TTC6: variants seen among roughly 807,000 people sequenced by gnomAD.
TTC6 encodes the protein tetratricopeptide repeat domain 6.
TTC6 carries 172 observed loss-of-function variants against 210.4 expected under a neutral mutation model. That is an observed-to-expected ratio of 0.82 (90% CI 0.72 to 0.93). The LOEUF is 0.93. TTC6 is among the 40% of genes least tolerant of loss of function. The pLI is 0.00. For missense variants in TTC6, 2,414 were observed against 2,318.1 expected (o/e 1.04, Z -0.85); for synonymous variants, 804 against 819.6 (o/e 0.98, Z 0.32).
chr14:37,757,411 C>A (rs1227313672), intron 14 of TTC6, among the ~76,000 whole-genome samples: 1 of 151,964 alleles, frequency 6.6e-6, no homozygotes, highest in African/African-American at 2.4e-5. Flanking sequence ...CAGGTGTCTG[C>A]CACCATGCCC....
intron 6 of TTC6, among the ~76,000 whole-genome samples, chr14:37,716,320 CAAAATCT>C: frequency 6.6e-6 from 1 of 152,024 alleles, no homozygotes; most frequent in East Asian, 1.9e-4. Flanking sequence ...AGACAGGAAA[CAAAATCT>C]AAAATGACAG....
Position 37,739,159 on chromosome 14 carries a change from T to A in TTC6, c.2363+4T>A. 1 of 1,486,872 alleles carries A rather than the reference T, an allele frequency of 6.7e-7. No homozygotes were observed. The highest frequency in any genetic ancestry group is 1.3e-5 in the South Asian group (1 of 75,212). The allele number at this position is 1,486,872 out of a possible 1,614,324, so 92.1% of individuals were successfully genotyped here. A position where few individuals can be genotyped will look rare whatever the true frequency, so the allele number is the denominator to read the frequency against. ...AGCCTCCAAAATCTCTTGAAAGGTC[T>A]TGTTTAAGTGATTTTCTTATAGTTT... On this transcript the variant is annotated splice_donor_region_variant and intron_variant, in intron 10 of 30. Transcript: ENST00000553443.
chr14:37,738,887 T>C (rs2095909571), exon 10 of TTC6: 3 of 1,535,190 alleles, frequency 2.0e-6, no homozygotes, highest in African/African-American at 1.4e-5. Context: ...AGCAAAGGAA[T>C]TGAAACGTCA....
At chr14:37,599,278 G>A (rs571058626) in intron 1 of TTC6, among the ~76,000 whole-genome samples, 17 of 152,220 alleles carry the variant, frequency 1.1e-4, no homozygotes, top group African/African-American at 4.1e-4. Flanking sequence ...CTCTCCCTTG[G>A]TTCCATCATT....
At position 37,680,911 on chromosome 14, in the gene TTC6, C is replaced by T. The variant is rs148977378; in HGVS notation, c.1050+650C>T. ...AATATGACCCCCACATACATAAAAT[C>T]GTGATCATATTTCATTTTTAGGTTA... On this transcript the variant is annotated intron_variant, in intron 2 of 30. Coordinates refer to ENST00000553443, the Ensembl canonical transcript of TTC6. 6.6e-3 allele frequency among the ~76,000 whole-genome samples: 1,001 copies of T among 152,160 alleles called. 10 individuals carry two copies. The highest frequency in any genetic ancestry group is 0.023 in the African/African-American group (947 of 41,520).
intron 17 of TTC6, among the ~76,000 whole-genome samples, chr14:37,793,247 G>T (rs895956244): frequency 3.9e-5 from 6 of 152,128 alleles, no homozygotes; most frequent in African/African-American, 1.2e-4. Flanking sequence ...AAAGCCAAAG[G>T]TCTGCAAGAC....
chr14:37,755,899 G>T (rs1595204708), intron 14 of TTC6, among the ~76,000 whole-genome samples: 1 of 152,154 alleles, frequency 6.6e-6, no homozygotes, highest in Admixed American at 6.5e-5. Context: ...GAAAGTCAGT[G>T]GTAGCTTGAT....
Position 37,823,746 on chromosome 14 carries a change from G to A in TTC6, c.4764-1G>A, listed in dbSNP as rs2096163561. ...GCATCAATATTTTTATTTATTTGCA[G>A]AATTAATGAGTTTGAAGAAGCTGTC... On this transcript the variant is annotated splice_acceptor_variant, in intron 26 of 30. Transcript: ENST00000553443. LOFTEE classifies it high-confidence loss of function. 3 of 1,612,652 alleles carry A rather than the reference G, an allele frequency of 1.9e-6. No individual in the cohort carries two copies. In the East Asian group the frequency reaches 6.7e-5, roughly 36 times the overall value.
At chr14:37,758,065 T>G (rs1055675578) in intron 14 of TTC6, among the ~76,000 whole-genome samples, 3 of 152,312 alleles carry the variant, frequency 2.0e-5, no homozygotes, top group Admixed American at 1.3e-4. Flanking sequence ...TGATTTCCAT[T>G]CTTTTGCATT....
chr14:37,823,185 C>T lies in TTC6; in HGVS notation c.4764-562C>T, dbSNP rs182279499. ...AGGATAGAGAGAGTTATCATTTAGC[C>T]AAATACATTCACAAGTTGATAAATA... On this transcript the variant is annotated intron_variant, in intron 26 of 30. Coordinates refer to ENST00000553443, the Ensembl canonical transcript of TTC6. 3.3e-5 allele frequency among the ~76,000 whole-genome samples: 5 copies of T among 152,182 alleles called. No individual in the cohort carries two copies. In the East Asian group the frequency reaches 9.7e-4, roughly 29 times the overall value.
At chr14:37,622,995 A>G (rs1396358934) in exon 1 of TTC6, 2 of 1,468,446 alleles carry the variant, frequency 1.4e-6, no homozygotes, top group South Asian at 1.3e-5. Context: ...CTACGACATT[A>G]CAATGGAAGT....
rs561048567 is a variant in TTC6 at position 37,725,895 on chromosome 14, C to T, written c.1818+893C>T. Among the ~76,000 whole-genome samples, 5 of 151,964 alleles carry T rather than the reference C, an allele frequency of 3.3e-5. No individual in the cohort carries two copies. In the South Asian group the frequency reaches 1.0e-3, roughly 32 times the overall value. ...AATACCCAAATGTGGTAATCTTTTT[C>T]CTTCCCTTAAAGAAGAATGATTACT... On this transcript the variant is annotated intron_variant, in intron 7 of 30. Transcript: ENST00000553443.
intron 1 of TTC6, among the ~76,000 whole-genome samples, chr14:37,669,456 C>T (rs886504192): frequency 6.6e-6 from 1 of 152,288 alleles, no homozygotes; most frequent in African/African-American, 2.4e-5. Context: ...TTAGTTTCTA[C>T]TTCTTTCTTA....
intron 10 of TTC6, among the ~76,000 whole-genome samples, chr14:37,744,064 G>C (rs1212459613): frequency 6.6e-6 from 1 of 152,200 alleles, no homozygotes; most frequent in African/African-American, 2.4e-5. Flanking sequence ...TGAAGGCAAA[G>C]TTTATCAGCT....
At chr14:37,610,418 G>GGA (rs1173213756) in intron 2 of TTC6, among the ~76,000 whole-genome samples, 1 of 152,150 alleles carries the variant, frequency 6.6e-6, no homozygotes, top group Non-Finnish European at 1.5e-5. Context: ...GCCTGAATTT[G>GGA]GAGAGAGAGG....
chr14:37,660,687 A>G (rs2095735579), intron 1 of TTC6, among the ~76,000 whole-genome samples: 1 of 152,144 alleles, frequency 6.6e-6, no homozygotes, highest in Non-Finnish European at 1.5e-5. Context: ...AATGATTTAT[A>G]TTGCTTTGGG....
rs140002394 is a variant in TTC6 at position 37,613,086 on chromosome 14, T to C, written c.-155+6344T>C. Among the ~76,000 whole-genome samples, 326 of 152,252 alleles carry C rather than the reference T, an allele frequency of 2.1e-3. 1 individual carries two copies. The highest frequency in any genetic ancestry group is 7.6e-3 in the African/African-American group (318 of 41,570). On this transcript the variant is annotated intron_variant, in intron 2 of 2. Coordinates refer to the TTC6 transcript ENST00000556845. The stretch of plus-strand genomic sequence containing the variant: ...CAATTTTAGGGGGAAAGCATAAATA[T>C]AATGTTAGCTGTAAATTTTTTGAGG...
chr14:37,713,396 A>C (rs996110589), intron 5 of TTC6, among the ~76,000 whole-genome samples: 1 of 152,054 alleles, frequency 6.6e-6, no homozygotes, highest in African/African-American at 2.4e-5. Flanking sequence ...GTGCCACTAC[A>C]CCCAGCTAAC....
intron 7 of TTC6, among the ~76,000 whole-genome samples, chr14:37,728,176 C>G (rs1225020729): frequency 1.3e-5 from 1 of 76,224 alleles, no homozygotes; most frequent in Non-Finnish European, 3.3e-5. Context: ...TAATAATAGA[C>G]TTTATTATAC....
Sources: gnomAD v4.1 joint callset for allele counts (sites outside exome capture counted in the v4.1 genomes callset) on GRCh38, gnomAD v4.1.1 for gene constraint, MANE v1.5 for transcripts, NCBI Gene and HGNC (gene_info 2026-07-23, HGNC 2026-07-21) for gene names.